WSB2: variants seen among roughly 807,000 people sequenced by gnomAD.
WSB2 encodes the protein WD repeat and SOCS box containing 2, also known as WD repeat and SOCS box-containing protein 2.
A neutral mutation model predicts 48.8 loss-of-function variants in WSB2; 12 were observed. The ratio of observed to expected loss-of-function variants is 0.25; its 90% confidence interval spans 0.16 to 0.40. The LOEUF (loss-of-function observed/expected upper bound fraction) is 0.40, where lower values mean the gene tolerates loss of function less well. WSB2 is among the 10% of genes least tolerant of loss of function. The pLI, the probability that WSB2 is intolerant of heterozygous loss-of-function variation, is 1.00. For missense variants in WSB2, 317 were observed against 506.2 expected (o/e 0.63, Z 3.59); for synonymous variants, 191 against 203.1 (o/e 0.94, Z 0.51).
At position 118,060,469 on chromosome 12, in the gene WSB2, T is replaced by C. The variant is rs888348376; in HGVS notation, c.13+567A>G. The stretch of plus-strand genomic sequence containing the variant: ...AGAGGCTGGGAATAGATTGTTTCAA[T>C]AGGGAACCCAGACCCCAGACCCCAT... On this transcript the variant is annotated intron_variant, in intron 1 of 8. Coordinates refer to ENST00000315436, the MANE Select transcript of WSB2 (RefSeq NM_018639.5). The surrounding 1 kb of genome is among the most constrained non-coding windows in gnomAD (Gnocchi z 4.1). Among the ~76,000 whole-genome samples, 5 of 152,092 alleles carry C rather than the reference T, an allele frequency of 3.3e-5. No homozygotes were observed. Among genetic ancestry groups the C allele is most frequent in the African/African-American group, 9.7e-5 (4 of 41,410 alleles).
In WSB2 at chr12:118,033,332, C is replaced by A. The variant is rs2031415766; in HGVS notation, c.*864G>T. On this transcript the variant is annotated 3_prime_UTR_variant, in exon 9 of 9. Coordinates refer to ENST00000315436, the MANE Select transcript of WSB2 (RefSeq NM_018639.5). ...CCAATTCTTTACACAATTAAGACAT[C>A]TTTGCAACTGTTCAATTTAAGTACT... 6.6e-6 allele frequency: 1 copy of A among 152,552 alleles called. No homozygotes were observed. The highest frequency in any genetic ancestry group is 1.5e-5 in the Non-Finnish European group (1 of 68,026). 9.4% of individuals were successfully genotyped at this position (152,552 alleles called of 1,614,324 possible).
At chr12:118,036,285 G>A in intron 6 of WSB2, 53 bp downstream of exon 6, 1 of 1,573,856 alleles carries the variant, frequency 6.4e-7, no homozygotes, top group Non-Finnish European at 8.7e-7. Context: ...ATCCCAGGCA[G>A]GTTCCTCATC....
intron 4 of WSB2, among the ~76,000 whole-genome samples, chr12:118,040,654 CAAA>C (rs781738117): frequency 5.0e-5 from 6 of 119,988 alleles, no homozygotes; most frequent in Admixed American, 1.7e-4. Flanking sequence ...GGCTCTGTCT[CAAA>C]AAAAAAAAAA....
chr12:118,035,265 G>C lies in WSB2; in HGVS notation c.893C>G (p.Ser298Cys), dbSNP rs914153035. The C allele has an allele frequency of 1.9e-5, 30 of 1,614,106 alleles. No individual in the cohort carries two copies. The highest frequency in any genetic ancestry group is 2.5e-5 in the Non-Finnish European group (30 of 1,180,054). The change falls in exon 7 of 9, where the codon TCT becomes TGT. Residue 298 changes from serine (S) to cysteine (C), a missense_variant. Coordinates refer to ENST00000315436, the MANE Select transcript of WSB2 (RefSeq NM_018639.5). ...CAAGCCTTCTGGAGAGAAGCACACA[G>C]ATCTCAGTGAGCTAATGTGGACGTC... ...DSDVHISSLR[S>C]VCFSPEGLYL...
upstream of WSB2, chr12:118,061,295 A>C: frequency 1.5e-6 from 1 of 688,466 alleles, no homozygotes; most frequent in Non-Finnish European, 1.8e-6. Flanking sequence ...AAAAGATGGA[A>C]AATCGGGGAG....
At chr12:118,046,765 G>C (rs1353828388) in intron 2 of WSB2, among the ~76,000 whole-genome samples, 1 of 152,058 alleles carries the variant, frequency 6.6e-6, no homozygotes, top group African/African-American at 2.4e-5. Flanking sequence ...TTCTGTATTT[G>C]TTTTATTTAT....
At chr12:118,041,973 C>T (rs973377511) in intron 4 of WSB2, among the ~76,000 whole-genome samples, 2 of 152,032 alleles carry the variant, frequency 1.3e-5, no homozygotes, top group Non-Finnish European at 2.9e-5. Flanking sequence ...CCAGGCTGGT[C>T]TTGAACTCCT....
chr12:118,034,579 CTCTG>C (rs1427383215), intron 8 of WSB2: 17 of 544,126 alleles, frequency 3.1e-5, no homozygotes, highest in Admixed American at 2.4e-4. Context: ...AAAGCGCTCT[CTCTG>C]TCTCTCTCTC....
chr12:118,050,477 C>T (rs779302949), intron 2 of WSB2, among the ~76,000 whole-genome samples: 6 of 151,572 alleles, frequency 4.0e-5, no homozygotes, highest in South Asian at 2.1e-4. Context: ...CCTGTCTCTA[C>T]AAAAAATTTA....
rs765725340 is a variant in WSB2, at chr12:118,034,031, A to C, written c.*165T>G. 4 of 900,046 alleles carry C rather than the reference A, an allele frequency of 4.4e-6. No individual in the cohort carries two copies. The highest frequency in any genetic ancestry group is 5.2e-5 in the East Asian group (2 of 38,824). 55.8% of individuals were successfully genotyped at this position (900,046 alleles called of 1,614,324 possible). A position where few individuals can be genotyped will look rare whatever the true frequency, so the allele number is the denominator to read the frequency against. Reference sequence around the variant, plus strand: ...CTGACTTTCACATGCCAGGGAGAGAAAGATCCATGACTAGTACACTGGAAT... The same window carrying C: ...CTGACTTTCACATGCCAGGGAGAGACAGATCCATGACTAGTACACTGGAAT... On this transcript the variant is annotated 3_prime_UTR_variant, in exon 9 of 9. Coordinates refer to ENST00000315436, the MANE Select transcript of WSB2 (RefSeq NM_018639.5).
In WSB2 at chr12:118,052,484, G is replaced by T. The variant is rs1467631325; in HGVS notation, c.14-6C>A. ...GGCCAGCAGCAGCGGTTCCTCTGGG[G>T]CAGGAGACAACATGCTTCAAACACA... On this transcript the variant is annotated splice_polypyrimidine_tract_variant and splice_region_variant and intron_variant, in intron 1 of 8. Coordinates refer to ENST00000315436, the MANE Select transcript of WSB2 (RefSeq NM_018639.5). 2 of 1,613,788 alleles carry T rather than the reference G, an allele frequency of 1.2e-6. No individual in the cohort carries two copies. Among genetic ancestry groups the T allele is most frequent in the East Asian group, 4.5e-5 (2 of 44,872 alleles).
upstream of WSB2, among the ~76,000 whole-genome samples, chr12:118,061,946 G>T (rs1337604344): frequency 1.3e-5 from 2 of 149,914 alleles, no homozygotes; most frequent in Admixed American, 6.7e-5. Context: ...TAAAACAAGG[G>T]GGGCTACTCA....
At chr12:118,049,901 A>T (rs2031817671) in intron 2 of WSB2, among the ~76,000 whole-genome samples, 1 of 152,232 alleles carries the variant, frequency 6.6e-6, no homozygotes, top group African/African-American at 2.4e-5. Flanking sequence ...AAAAATGCTT[A>T]AAGAAAAATA....
intron 1 of WSB2, among the ~76,000 whole-genome samples, chr12:118,056,401 C>T (rs1049928902): frequency 8.5e-5 from 13 of 152,168 alleles, no homozygotes; most frequent in African/African-American, 2.9e-4. Flanking sequence ...CCTAGTCAAT[C>T]TCCTTCACAA....
At chr12:118,034,959 C>T (rs2031472444) in intron 8 of WSB2, 27 bp downstream of exon 8, 2 of 1,600,916 alleles carry the variant, frequency 1.2e-6, no homozygotes, top group Non-Finnish European at 8.6e-7. Flanking sequence ...AAAGCACCAC[C>T]CATCTGTTCA....
chr12:118,037,608 C>T (rs893291386), intron 5 of WSB2, among the ~76,000 whole-genome samples: 3 of 150,258 alleles, frequency 2.0e-5, no homozygotes, highest in African/African-American at 4.9e-5. Flanking sequence ...GCGGAGGTTG[C>T]AGTAAGCCGA....
intron 4 of WSB2, among the ~76,000 whole-genome samples, chr12:118,041,277 TAGA>T (rs1566137743): frequency 1.3e-5 from 2 of 152,088 alleles, no homozygotes; most frequent in African/African-American, 4.8e-5. Flanking sequence ...TTAGTGCCCT[TAGA>T]AGAAGAGACA....
intron 5 of WSB2, among the ~76,000 whole-genome samples, chr12:118,037,442 G>C (rs1002910515): frequency 6.6e-6 from 1 of 152,074 alleles, no homozygotes; most frequent in Non-Finnish European, 1.5e-5. Context: ...CCAGGCGGGC[G>C]GATCACCTGA....
In WSB2 at chr12:118,041,842, C is replaced by T. The variant is rs1020290253; in HGVS notation, c.559+999G>A. Among the ~76,000 whole-genome samples the T allele has an allele frequency of 2.0e-5, 3 of 149,828 alleles. No individual in the cohort carries two copies. The Admixed American group carries it at 2.0e-4, about 10-fold the overall frequency. ...CGATCTCAGCTCACTGCAACTTCTG[C>T]CTCCCAGGTTCAAGTGATTCTCCTG... is the stretch of plus-strand genomic sequence containing the variant. On this transcript the variant is annotated intron_variant, in intron 4 of 8. Transcript: ENST00000315436.
Sources: gnomAD v4.1 joint callset for allele counts (sites outside exome capture counted in the v4.1 genomes callset) on GRCh38, gnomAD v4.1.1 for gene constraint, Gnocchi (gnomAD v3.1) non-coding constraint, MANE v1.5 for transcripts, NCBI Gene and HGNC (gene_info 2026-07-23, HGNC 2026-07-21) for gene names.